Variants in PABPC4L observed in about 807,000 individuals in gnomAD.
The protein encoded by PABPC4L is poly(A) binding protein cytoplasmic 4 like, also known as polyadenylate-binding protein 4-like.
For missense variants in PABPC4L, 452 were observed against 451.4 expected, an observed-to-expected ratio of 1.00 and a Z score of -0.01; for synonymous variants, 169 against 164.1, an observed-to-expected ratio of 1.03 and a Z score of -0.23.
At chr4:134,049,126 A>G in the PABPC4L span, among the ~76,000 whole-genome samples, 2 of 152,018 alleles carry the variant, frequency 1.3e-5, no homozygotes, top group African/African-American at 4.8e-5. Flanking sequence ...CTCTCCAATT[A>G]CCCATTTTGA....
chr4:134,056,486 T>A, the PABPC4L span, among the ~76,000 whole-genome samples: 2 of 151,994 alleles, frequency 1.3e-5, no homozygotes, highest in Non-Finnish European at 1.5e-5. Context: ...TTTCTTTGCA[T>A]CTATTTACAT....
At chr4:134,048,244 T>C in the PABPC4L span, among the ~76,000 whole-genome samples, 1 of 152,192 alleles carries the variant, frequency 6.6e-6, no homozygotes, top group Admixed American at 6.5e-5. Flanking sequence ...AGAGACTTAT[T>C]TGTAACCACA....
the PABPC4L span, among the ~76,000 whole-genome samples, chr4:134,028,509 A>T: frequency 2.7e-5 from 4 of 149,488 alleles, no homozygotes; most frequent in African/African-American, 9.9e-5. Flanking sequence ...TCACTTTTTC[A>T]TGGGAATCCT....
At chr4:134,154,286 T>C in the PABPC4L span, among the ~76,000 whole-genome samples, 1 of 152,150 alleles carries the variant, frequency 6.6e-6, no homozygotes, top group East Asian at 1.9e-4. Flanking sequence ...CAAAGCCTCA[T>C]CTCTACTAAA....
At chr4:133,982,237 AT>A in the PABPC4L span, among the ~76,000 whole-genome samples, 2 of 152,094 alleles carry the variant, frequency 1.3e-5, no homozygotes, top group African/African-American at 4.8e-5. Flanking sequence ...GAAGCAGCTT[AT>A]TTTTTTAATA....
chr4:134,178,165 C>T, the PABPC4L span, among the ~76,000 whole-genome samples: 2 of 151,928 alleles, frequency 1.3e-5, no homozygotes, highest in Non-Finnish European at 2.9e-5. Flanking sequence ...GCTGACCTCA[C>T]AAGGATATAG....
At chr4:134,023,805 G>A in the PABPC4L span, among the ~76,000 whole-genome samples, 1 of 152,142 alleles carries the variant, frequency 6.6e-6, no homozygotes, top group Admixed American at 6.6e-5. Context: ...AGAGTAAGAA[G>A]TCACAGATCT....
At chr4:133,993,213 G>C in the PABPC4L span, among the ~76,000 whole-genome samples, 9 of 152,082 alleles carry the variant, frequency 5.9e-5, no homozygotes, top group South Asian at 2.1e-4. Flanking sequence ...AGTGTTGCAG[G>C]GTCCTTACTC....
chr4:133,971,927 C>T, the PABPC4L span, among the ~76,000 whole-genome samples: 22 of 152,222 alleles, frequency 1.4e-4, no homozygotes, highest in Non-Finnish European at 2.2e-4. Context: ...AAAATTTGTG[C>T]CCTTCTCATT....
the PABPC4L span, among the ~76,000 whole-genome samples, chr4:134,126,359 G>A: frequency 1.3e-4 from 20 of 152,100 alleles, 1 homozygote; most frequent in Admixed American, 9.8e-4. Flanking sequence ...TCAGCTGGTA[G>A]AATCAACATC....
At chr4:134,008,026 A>T in the PABPC4L span, among the ~76,000 whole-genome samples, 1 of 151,748 alleles carries the variant, frequency 6.6e-6, no homozygotes, top group Non-Finnish European at 1.5e-5. Flanking sequence ...CCTGATAAAC[A>T]TCCTCAAGTG....
the PABPC4L span, among the ~76,000 whole-genome samples, chr4:133,985,690 A>G: frequency 6.6e-6 from 1 of 152,042 alleles, no homozygotes; most frequent in Non-Finnish European, 1.5e-5. Context: ...GTCAGGTAGT[A>G]AAATTGCTTG....
At chr4:134,168,814 C>G in the PABPC4L span, among the ~76,000 whole-genome samples, 1 of 151,904 alleles carries the variant, frequency 6.6e-6, no homozygotes, top group Admixed American at 6.6e-5. Flanking sequence ...CTGATGATTT[C>G]TCAGCTGAAT....
At chr4:134,009,451 C>T in the PABPC4L span, among the ~76,000 whole-genome samples, 1 of 151,972 alleles carries the variant, frequency 6.6e-6, no homozygotes, top group Non-Finnish European at 1.5e-5. Flanking sequence ...ATTATGTTCT[C>T]AGCCAATAAT....
At chr4:134,079,671 C>CTG in the PABPC4L span, among the ~76,000 whole-genome samples, 93 of 140,938 alleles carry the variant, frequency 6.6e-4, no homozygotes, top group African/African-American at 2.1e-3. Context: ...GTGTGTATGT[C>CTG]TGTGTGTGTG....
chr4:133,969,605 A>G, the PABPC4L span, among the ~76,000 whole-genome samples: 2 of 152,224 alleles, frequency 1.3e-5, no homozygotes, highest in Non-Finnish European at 2.9e-5. Flanking sequence ...CAATGACTGC[A>G]TCAATGTGGT....
chr4:134,085,948 A>C, the PABPC4L span, among the ~76,000 whole-genome samples: 1 of 152,146 alleles, frequency 6.6e-6, no homozygotes, highest in Non-Finnish European at 1.5e-5. Context: ...TAGGGTATAA[A>C]TATGTTCTGC....
chr4:134,075,955 G>C, the PABPC4L span, among the ~76,000 whole-genome samples: 117 of 151,202 alleles, frequency 7.7e-4, no homozygotes, highest in African/African-American at 2.7e-3. Context: ...ACATTTTCCA[G>C]GAAATAAGTA....
At chr4:134,058,637 T>C in the PABPC4L span, among the ~76,000 whole-genome samples, 1 of 152,058 alleles carries the variant, frequency 6.6e-6, no homozygotes, top group South Asian at 2.1e-4. Flanking sequence ...TTCATTCCTC[T>C]AGATGTTTAC....
Sources: gnomAD v4.1 joint callset for allele counts (sites outside exome capture counted in the v4.1 genomes callset) on GRCh38, gnomAD v4.1.1 for gene constraint, MANE v1.5 for transcripts, NCBI Gene and HGNC (gene_info 2026-07-23, HGNC 2026-07-21) for gene names.